Variants in CTNND2 observed in about 807,000 individuals in gnomAD.
The protein encoded by CTNND2 is catenin delta-2.
Under a neutral mutation model 144.4 loss-of-function variants are expected in CTNND2, and 22 were observed. That is an observed-to-expected ratio of 0.15 (90% CI 0.11 to 0.22). The LOEUF is 0.22. Among genes scored for constraint, CTNND2 ranks in the 10% least tolerant of loss-of-function variants. The probability of loss-of-function intolerance (pLI) is 1.00; values close to 1 mark genes in which losing one functional copy is unlikely to be tolerated. For synonymous variants in CTNND2, 751 were observed against 695.6 expected (o/e 1.08, Z -1.25); for missense variants, 1,353 against 1,618.8 (o/e 0.84, Z 2.82).
chr5:11,614,058 T>C (rs542642364), intron 2 of CTNND2, among the ~76,000 whole-genome samples: 95 of 152,296 alleles, frequency 6.2e-4, no homozygotes, highest in Non-Finnish European at 1.1e-3. Context: ...AATAAAAAAT[T>C]TTGAAAATTC....
chr5:11,647,635 C>G (rs542803432), intron 2 of CTNND2, among the ~76,000 whole-genome samples: 234 of 152,154 alleles, frequency 1.5e-3, no homozygotes, highest in African/African-American at 5.2e-3. Context: ...AATGTTCTCA[C>G]AAACAATTCC....
intron 3 of CTNND2, among the ~76,000 whole-genome samples, chr5:11,534,103 G>A (rs998088464): frequency 1.3e-5 from 2 of 152,094 alleles, no homozygotes; most frequent in African/African-American, 4.8e-5. Context: ...TATAAAAACA[G>A]CCTCCTACCG....
intron 9 of CTNND2, among the ~76,000 whole-genome samples, chr5:11,296,814 C>T (rs752364350): frequency 2.4e-4 from 36 of 152,024 alleles, no homozygotes; most frequent in Admixed American, 3.3e-4. Context: ...AGGGGAACAT[C>T]ACACATGGGG....
At chr5:11,002,804 G>A (rs867347890) in intron 18 of CTNND2, among the ~76,000 whole-genome samples, 1 of 152,112 alleles carries the variant, frequency 6.6e-6, no homozygotes, top group Non-Finnish European at 1.5e-5. Flanking sequence ...TGATAATTTT[G>A]TTTCCAAAGA....
intron 10 of CTNND2, among the ~76,000 whole-genome samples, chr5:11,219,851 G>A (rs1342286851): frequency 6.6e-6 from 1 of 152,178 alleles, no homozygotes; most frequent in African/African-American, 2.4e-5. Context: ...TTAGATCTCT[G>A]TTGACAGAGT....
intron 9 of CTNND2, among the ~76,000 whole-genome samples, chr5:11,332,080 A>G (rs1330621504): frequency 1.3e-5 from 2 of 152,022 alleles, no homozygotes; most frequent in African/African-American, 4.8e-5. Flanking sequence ...GTTCGAGAGC[A>G]GCCTGACCAA....
chr5:11,753,811 T>C (rs1429319794), intron 1 of CTNND2, among the ~76,000 whole-genome samples: 2 of 151,828 alleles, frequency 1.3e-5, no homozygotes, highest in Admixed American at 6.6e-5. Context: ...CAGCTTTTTC[T>C]GGTTCGCAGT....
intron 2 of CTNND2, among the ~76,000 whole-genome samples, chr5:11,578,544 C>T (rs1420291242): frequency 2.0e-5 from 3 of 152,020 alleles, no homozygotes; most frequent in East Asian, 1.9e-4. Context: ...ACCTGTAGTA[C>T]CAGCTTCTTG....
chr5:11,099,629 T>C (rs1356963988), intron 14 of CTNND2, among the ~76,000 whole-genome samples: 1 of 152,156 alleles, frequency 6.6e-6, no homozygotes, highest in Non-Finnish European at 1.5e-5. Context: ...AATTTACTAA[T>C]ACAATGTCTT....
At chr5:11,652,335 C>T (rs2561612) in intron 2 of CTNND2, among the ~76,000 whole-genome samples, 53,364 of 152,050 alleles carry the variant, frequency 0.35, 12,520 homozygotes, top group African/African-American at 0.67. Flanking sequence ...TGAGGCCTCC[C>T]CAGCCATACT....
At chr5:11,278,418 C>A (rs1021365056) in intron 9 of CTNND2, among the ~76,000 whole-genome samples, 2 of 152,208 alleles carry the variant, frequency 1.3e-5, no homozygotes, top group African/African-American at 4.8e-5. Flanking sequence ...TTGTCCTCCA[C>A]AGTGCTTGCA....
At chr5:11,625,604 T>C (rs1781115347) in intron 2 of CTNND2, among the ~76,000 whole-genome samples, 1 of 152,082 alleles carries the variant, frequency 6.6e-6, no homozygotes, top group African/African-American at 2.4e-5. Context: ...AAAATGGATA[T>C]ACAGTATTGC....
At chr5:11,814,270 A>T (rs985577207) in intron 1 of CTNND2, among the ~76,000 whole-genome samples, 1 of 152,238 alleles carries the variant, frequency 6.6e-6, no homozygotes, top group Non-Finnish European at 1.5e-5. Context: ...GTGTATCTAC[A>T]GAGAGCAATC....
chr5:11,250,520 T>TACA (rs1491283471), intron 9 of CTNND2, among the ~76,000 whole-genome samples: 6 of 5,540 alleles, frequency 1.1e-3, no homozygotes, highest in African/African-American at 1.6e-3. Context: ...TATACATATA[T>TACA]TTTTTTTTTT....
chr5:10,990,494 C>G (rs1048594540), intron 19 of CTNND2, among the ~76,000 whole-genome samples: 2 of 152,194 alleles, frequency 1.3e-5, no homozygotes, highest in African/African-American at 4.8e-5. Context: ...CCAGGAAAGT[C>G]TCTCTTCCTG....
intron 9 of CTNND2, among the ~76,000 whole-genome samples, chr5:11,289,269 T>C (rs1214089471): frequency 2.0e-5 from 3 of 152,204 alleles, no homozygotes; most frequent in African/African-American, 7.2e-5. Context: ...AACAAAATAA[T>C]TCTGTCTTGC....
intron 3 of CTNND2, among the ~76,000 whole-genome samples, chr5:11,525,651 C>T (rs1773177002): frequency 6.6e-6 from 1 of 152,210 alleles, no homozygotes; most frequent in Admixed American, 6.5e-5. Context: ...TCCATCCCTG[C>T]CCAGGGCCAC....
chr5:11,376,331 T>TGTGTTCATGTATCTGTGTGTGG (rs1757945358), intron 7 of CTNND2, among the ~76,000 whole-genome samples: 1 of 152,148 alleles, frequency 6.6e-6, no homozygotes, highest in South Asian at 2.1e-4. Flanking sequence ...TGTGTGTGTG[T>TGTGTTCATGTATCTGTGTGTGG]GTGTGTGTGT....
At chr5:11,575,517 C>A (rs1030157936) in intron 2 of CTNND2, among the ~76,000 whole-genome samples, 4 of 152,114 alleles carry the variant, frequency 2.6e-5, no homozygotes, top group African/African-American at 9.7e-5. Context: ...CTTTGTATAA[C>A]TAACCCGTTT....
Sources: allele counts gnomAD v4.1 joint callset (sites outside exome capture counted in the v4.1 genomes callset), GRCh38; gene constraint gnomAD v4.1.1; transcripts MANE v1.5; gene names NCBI Gene and HGNC (gene_info 2026-07-23, HGNC 2026-07-21).